The following CIT variants were observed in gnomAD, a reference collection of about 807,000 sequenced individuals.
The protein encoded by CIT is citron Rho-interacting kinase.
Under a neutral mutation model 272.7 loss-of-function variants are expected in CIT, and 79 were observed. That is an observed-to-expected ratio of 0.29 (90% CI 0.24 to 0.35). CIT has a LOEUF of 0.35. Among genes scored for constraint, CIT ranks in the 10% least tolerant of loss-of-function variants. The pLI is 1.00. For synonymous variants in CIT, 948 were observed against 995.6 expected, an observed-to-expected ratio of 0.95 and a Z score of 0.90; for missense variants, 1,909 against 2,618.3, an observed-to-expected ratio of 0.73 and a Z score of 5.91.
Position 119,784,989 on chromosome 12 carries a change from G to C in CIT, c.1372C>G (p.Leu458Val), listed in dbSNP as rs745974725. Residue 458 changes from leucine to valine, a missense_variant, in exon 11 of 48, where the codon CTA (leucine) becomes GTA (valine). Transcript: ENST00000392521. The surrounding 1 kb of genome is among the most constrained non-coding windows in gnomAD (Gnocchi z 4.7). ...EKKLLIKSKE[L>V]QDSQDKCHKM... ...TGACACTTGTCCTGAGAGTCTTGTA[G>C]CTCTTTGCTTTTGATGAGAAGTTTC... is the stretch of plus-strand genomic sequence containing the variant. 1.9e-6 allele frequency: 3 copies of C among 1,614,186 alleles called. No homozygotes were observed. Among genetic ancestry groups the C allele is most frequent in the Non-Finnish European group, 1.7e-6 (2 of 1,180,030 alleles).
chr12:119,731,841 C>CT (rs1344053078), intron 26 of CIT, among the ~76,000 whole-genome samples: 4,723 of 98,292 alleles, frequency 0.048, 135 homozygotes, highest in African/African-American at 0.072. Context: ...TATATATATA[C>CT]TTTTTTTTTT....
rs377113561 is a variant in CIT, at chr12:119,876,135, A to G, written c.34T>C (p.Leu12=). The G allele has an allele frequency of 2.1e-5, 34 of 1,613,962 alleles. No homozygotes were observed. The highest frequency in any genetic ancestry group is 1.1e-4 in the East Asian group (5 of 44,872). The change falls in exon 2 of 48, where the codon TTG becomes CTG. Residue 12 remains leucine (L), a synonymous_variant. Transcript: ENST00000392521. ...ATGGGTTCAGCAGCACCAGCATCCA[A>G]AGGATTCCGCGCTCCATATTTGAAC... ...LKFKYGARNP[L]DAGAAEPIAS...
At position 119,834,892 on chromosome 12, in the gene CIT, T is replaced by C. The variant is rs549173554; in HGVS notation, c.517-664A>G. The stretch of plus-strand genomic sequence containing the variant: ...TAGAGACTGGCTAAAATATGACATA[T>C]GTAAACAATGGGATAAGACAAAGAT... On this transcript the variant is annotated intron_variant, in intron 5 of 47. Coordinates refer to ENST00000392521, the MANE Select transcript of CIT (RefSeq NM_001206999.2). Among the ~76,000 whole-genome samples the C allele has an allele frequency of 2.6e-4, 40 of 152,324 alleles. 1 individual carries two copies. The highest frequency in any genetic ancestry group is 2.6e-3 in the Admixed American group (39 of 15,294).
chr12:119,766,698 T>G (rs1244612802), intron 19 of CIT, among the ~76,000 whole-genome samples: 1 of 152,162 alleles, frequency 6.6e-6, no homozygotes, highest in Admixed American at 6.5e-5. Flanking sequence ...TATGATGTGC[T>G]TATTTCATAT....
intron 4 of CIT, among the ~76,000 whole-genome samples, chr12:119,853,163 C>T (rs1970344249): frequency 6.6e-6 from 1 of 151,850 alleles, no homozygotes; most frequent in African/African-American, 2.4e-5. Context: ...CCCGTCTCTA[C>T]TAAAAATACA....
At position 119,690,313 on chromosome 12, in the gene CIT, C is replaced by T; in HGVS notation, c.6024G>A (p.Leu2008=). 1 of 1,594,522 alleles carries T rather than the reference C, an allele frequency of 6.3e-7. No individual in the cohort carries two copies. ...GGCGGCCAGGAGACTTGTCCCTGCG[C>T]AGCTCGGTCCGCCCCTCGCGGTAGC... ...PHRYREGRTE[L]RRDKSPGRPL... is the part of the protein sequence containing the mutation. The change falls in exon 47 of 48, where the codon CTG becomes CTA. Residue 2008 remains leucine (L), a synonymous_variant. Transcript: ENST00000392521. The surrounding 1 kb of genome is among the most constrained non-coding windows in gnomAD (Gnocchi z 6.0).
At chr12:119,742,706 T>C (rs957706522) in intron 23 of CIT, 1 of 364,810 alleles carries the variant, frequency 2.7e-6, no homozygotes, top group African/African-American at 2.1e-5. Context: ...TGTACAAATA[T>C]TTTTAACATT....
At chr12:119,831,106 C>T (rs1274057941) in intron 7 of CIT, among the ~76,000 whole-genome samples, 2 of 152,150 alleles carry the variant, frequency 1.3e-5, no homozygotes, top group East Asian at 3.9e-4. Flanking sequence ...AATCCTCCCG[C>T]CTCGACCTCC....
rs190742670 is a variant in CIT, at chr12:119,784,871, A to G, written c.1401+89T>C. On this transcript the variant is annotated intron_variant, in intron 11 of 47. Coordinates refer to ENST00000392521, the MANE Select transcript of CIT (RefSeq NM_001206999.2). The surrounding 1 kb of genome is among the most constrained non-coding windows in gnomAD (Gnocchi z 4.7). ...ACTCTCTACGGATCAGGCGGCTCAG[A>G]GCCAGCAGCGGCCCCGGGCGGATCC... The G allele has an allele frequency of 6.5e-7, 1 of 1,533,662 alleles. No homozygotes were observed. Among genetic ancestry groups the G allele is most frequent in the East Asian group, 2.4e-5 (1 of 42,360 alleles).
At chr12:119,698,211 C>G (rs966263276) in intron 44 of CIT, 157 bp from the exon 45 acceptor site, 6 of 675,172 alleles carry the variant, frequency 8.9e-6, no homozygotes, top group Admixed American at 2.1e-5. Context: ...CATGCATGTT[C>G]GAGGATATTC....
chr12:119,714,387 G>A (rs2137081194), intron 32 of CIT, 53 bp from the exon 33 acceptor site: 3 of 1,590,044 alleles, frequency 1.9e-6, no homozygotes, highest in South Asian at 2.3e-5. Context: ...GATCCCATCA[G>A]GAAAGTGAAA....
chr12:119,690,882 C>T lies in CIT; in HGVS notation c.5883-428G>A, dbSNP rs1334301047. ...GTAGAGCTGGGATTCCAATAAAGAC[C>T]AGTTTGATAGGCCAGGCGCAGTGGC... On this transcript the variant is annotated intron_variant, in intron 46 of 47. Coordinates refer to ENST00000392521, the MANE Select transcript of CIT (RefSeq NM_001206999.2). The surrounding 1 kb of genome is among the most constrained non-coding windows in gnomAD (Gnocchi z 6.0). 6.6e-6 allele frequency among the ~76,000 whole-genome samples: 1 copy of T among 152,126 alleles called. No individual in the cohort carries two copies. The highest frequency in any genetic ancestry group is 2.4e-5 in the African/African-American group (1 of 41,444).
At chr12:119,764,990 G>T (rs570235399) in intron 19 of CIT, among the ~76,000 whole-genome samples, 1 of 151,912 alleles carries the variant, frequency 6.6e-6, no homozygotes, top group African/African-American at 2.4e-5. Flanking sequence ...TGTATTTTTA[G>T]TAGAGGCGGG....
intron 26 of CIT, among the ~76,000 whole-genome samples, chr12:119,732,322 A>G (rs1958502187): frequency 6.6e-6 from 1 of 152,150 alleles, no homozygotes; most frequent in African/African-American, 2.4e-5. Flanking sequence ...TCATAATTAT[A>G]CCTTCCATGT....
chr12:119,873,477 A>G (rs1365656117), intron 2 of CIT, among the ~76,000 whole-genome samples: 2 of 151,790 alleles, frequency 1.3e-5, no homozygotes, highest in Non-Finnish European at 2.9e-5. Context: ...GGAGGGGCTC[A>G]CCATGTTGCC....
At chr12:119,707,678 T>C (rs570192879) in intron 40 of CIT, among the ~76,000 whole-genome samples, 174 of 152,160 alleles carry the variant, frequency 1.1e-3, no homozygotes, top group African/African-American at 4.0e-3. Flanking sequence ...ATTTTTGTAT[T>C]TTTAGTAGAG....
intron 5 of CIT, among the ~76,000 whole-genome samples, chr12:119,839,441 C>T (rs1283519801): frequency 2.0e-5 from 3 of 152,162 alleles, no homozygotes; most frequent in South Asian, 4.1e-4. Context: ...ATGACGCTGG[C>T]GGCATCGTTA....
chr12:119,700,283 T>C (rs1009251173), intron 44 of CIT, among the ~76,000 whole-genome samples: 2 of 152,224 alleles, frequency 1.3e-5, no homozygotes, highest in African/African-American at 4.8e-5. Context: ...CATGAACAGT[T>C]CTCCGGGTGA....
chr12:119,770,974 C>A lies in CIT; in HGVS notation c.2083-64G>T. On this transcript the variant is annotated intron_variant, in intron 17 of 47. Transcript: ENST00000392521. This position sits in a 1 kb window ranked among gnomAD's most constrained non-coding sequence, Gnocchi z 4.4. ...AACCGCTATGGGCATAACACCTGCA[C>A]CGAGGGAAAGAGCCCTCAAGAAGCA... The A allele has an allele frequency of 1.9e-6, 3 of 1,571,922 alleles. No individual in the cohort carries two copies. The highest frequency in any genetic ancestry group is 2.6e-6 in the Non-Finnish European group (3 of 1,159,054).
Sources: allele counts gnomAD v4.1 joint callset (sites outside exome capture counted in the v4.1 genomes callset), GRCh38; gene constraint gnomAD v4.1.1; non-coding constraint Gnocchi (gnomAD v3.1); transcripts MANE v1.5; gene names NCBI Gene and HGNC (gene_info 2026-07-23, HGNC 2026-07-21).